Variants in PCLO observed in about 807,000 individuals in gnomAD.
PCLO encodes the protein protein piccolo.
Under a neutral mutation model 427.5 loss-of-function variants are expected in PCLO, and 82 were observed. That is an observed-to-expected ratio of 0.19 (90% CI 0.16 to 0.23). PCLO has a LOEUF of 0.23. Ranked by LOEUF, PCLO falls within the 10% of genes least tolerant of loss-of-function variation. The probability of loss-of-function intolerance (pLI) is 1.00; values close to 1 mark genes in which losing one functional copy is unlikely to be tolerated. For missense variants in PCLO, 6,239 were observed against 6,115.9 expected (o/e 1.02, Z -0.67); for synonymous variants, 2,357 against 2,155.4 (o/e 1.09, Z -2.59).
At chr7:82,979,859 A>G (rs1311523075) in intron 3 of PCLO, among the ~76,000 whole-genome samples, 1 of 152,194 alleles carries the variant, frequency 6.6e-6, no homozygotes, top group Non-Finnish European at 1.5e-5. Flanking sequence ...AGTAATTCTA[A>G]AACTACAGTA....
At chr7:82,945,149 A>G (rs1026785767) in intron 6 of PCLO, among the ~76,000 whole-genome samples, 3 of 152,130 alleles carry the variant, frequency 2.0e-5, no homozygotes. Flanking sequence ...AAAGTGAAAG[A>G]TTTAAGGAAA....
intron 10 of PCLO, among the ~76,000 whole-genome samples, chr7:82,872,690 T>G (rs1793266165): frequency 6.6e-6 from 1 of 152,126 alleles, no homozygotes; most frequent in East Asian, 1.9e-4. Context: ...ATTATAGCAT[T>G]GTCTAAAGCG....
intron 10 of PCLO, among the ~76,000 whole-genome samples, chr7:82,869,980 A>G (rs1377399009): frequency 6.6e-6 from 1 of 152,064 alleles, no homozygotes; most frequent in African/African-American, 2.4e-5. Flanking sequence ...TCATGGATTG[A>G]AAAAATTAAT....
At chr7:82,976,800 G>T (rs1292253343) in intron 3 of PCLO, among the ~76,000 whole-genome samples, 1 of 152,058 alleles carries the variant, frequency 6.6e-6, no homozygotes, top group Non-Finnish European at 1.5e-5. Flanking sequence ...AGCCTGATTT[G>T]ATCATTCCAC....
Position 82,754,472 on chromosome 7 carries a change from G to C in PCLO, c.*4103C>G, listed in dbSNP as rs1009599346. ...ACATTAATCAGTAGTGGGAGCACCT[G>C]AGCACGTCACCAAACAAATATACAG... On this transcript the variant is annotated 3_prime_UTR_variant, in exon 25 of 25. Coordinates refer to ENST00000333891, the MANE Select transcript of PCLO (RefSeq NM_033026.6). 2 of 152,054 alleles carry C rather than the reference G, an allele frequency of 1.3e-5. No homozygotes were observed. The highest frequency in any genetic ancestry group is 4.8e-5 in the African/African-American group (2 of 41,434). 9.4% of individuals were successfully genotyped at this position (152,054 alleles called of 1,614,324 possible).
intron 2 of PCLO, among the ~76,000 whole-genome samples, chr7:83,146,884 G>A (rs1254350855): frequency 6.6e-6 from 1 of 151,984 alleles, no homozygotes; most frequent in African/African-American, 2.4e-5. Flanking sequence ...TTACAAGCAT[G>A]AGCCACCGCA....
chr7:82,914,281 TTAA>T (rs1794391049), intron 7 of PCLO: 1 of 405,880 alleles, frequency 2.5e-6, no homozygotes, highest in Non-Finnish European at 4.3e-6. Flanking sequence ...GCTCTAAACT[TTAA>T]TAATTTCAGA....
chr7:83,130,376 C>T (rs190843211), intron 3 of PCLO, among the ~76,000 whole-genome samples: 8 of 152,212 alleles, frequency 5.3e-5, no homozygotes, highest in East Asian at 1.9e-4. Flanking sequence ...AGGATTTTGC[C>T]GTGTTGGCCA....
chr7:83,128,023 A>G (rs1791481399), intron 3 of PCLO, among the ~76,000 whole-genome samples: 1 of 152,156 alleles, frequency 6.6e-6, no homozygotes, highest in Non-Finnish European at 1.5e-5. Flanking sequence ...TATCAAAGTT[A>G]AAAGATAAAA....
At chr7:82,879,495 A>C in intron 9 of PCLO, 33 bp from the exon 10 acceptor site, 1 of 1,495,614 alleles carries the variant, frequency 6.7e-7, no homozygotes, top group Non-Finnish European at 9.2e-7. Context: ...TATTAGTACT[A>C]ATTTAAGAAG....
At chr7:82,928,490 C>T (rs1053326348) in intron 6 of PCLO, among the ~76,000 whole-genome samples, 3 of 152,142 alleles carry the variant, frequency 2.0e-5, no homozygotes, top group Admixed American at 2.0e-4. Context: ...AAGTGATTCT[C>T]CTGCCTTAGC....
rs141533647 is a variant in PCLO, at chr7:83,066,387, T to C, written c.3300+67863A>G. On this transcript the variant is annotated intron_variant, in intron 3 of 24. Transcript: ENST00000333891. The stretch of plus-strand genomic sequence containing the variant: ...TTTATGTTCATTTTGTTTCTGCAAC[T>C]CTGTAATAGGACTTGAAATATGTGC... 4.7e-3 allele frequency among the ~76,000 whole-genome samples: 712 copies of C among 152,180 alleles called. 5 individuals are homozygous for C. Among genetic ancestry groups the C allele is most frequent in the African/African-American group, 0.016 (684 of 41,534 alleles).
chr7:82,910,124 G>C (rs1431148837), intron 7 of PCLO, among the ~76,000 whole-genome samples: 2 of 147,758 alleles, frequency 1.4e-5, no homozygotes, highest in East Asian at 4.6e-4. Context: ...AACACTAGAA[G>C]GAACAAGGCT....
In PCLO at chr7:82,801,564, C is replaced by A; in HGVS notation, c.14961G>T (p.Glu4987Asp). The A allele has an allele frequency of 6.3e-7, 1 of 1,596,102 alleles. No homozygotes were observed. Among genetic ancestry groups the A allele is most frequent in the South Asian group, 1.1e-5 (1 of 90,600 alleles). ...CTCCTACCCCTGGCTGTTTTACAGG[C>A]TCTTGTCCATTCTGTCCCATCTTCC... ...RIGKMGQNGQEPVKQPGVGVG... is the reference protein window; with the variant it reads ...RIGKMGQNGQDPVKQPGVGVG... The change falls in exon 22 of 25, where the codon GAG becomes GAT. Residue 4987 changes from glutamate (E) to aspartate (D), a missense_variant. Glu to Asp is a conservative substitution (Grantham distance 45). This residue lies in a region of PCLO where 877 missense variants were observed against 925.5 expected (regional missense o/e 0.95). Coordinates refer to ENST00000333891, the MANE Select transcript of PCLO (RefSeq NM_033026.6).
At chr7:82,879,701 A>T in intron 9 of PCLO, 2 of 435,630 alleles carry the variant, frequency 4.6e-6, no homozygotes, top group Middle Eastern at 3.4e-4. Flanking sequence ...AATTTTTCTA[A>T]TTCAGCCATA....
At chr7:83,152,065 G>T (rs546292087) in intron 2 of PCLO, among the ~76,000 whole-genome samples, 2 of 151,856 alleles carry the variant, frequency 1.3e-5, no homozygotes, top group Admixed American at 6.6e-5. Flanking sequence ...CCCCGGTTCA[G>T]GCCATTCTCC....
rs756931061 is a variant in PCLO, at chr7:82,916,604, A to G, written c.11382T>C (p.Ile3794=). Reference sequence around the variant, plus strand: ...TTTCCAGGTATCGTAGCTTAGCATCAATCTCCTTTTCTTCTTCATCAAGCT... The same window carrying G: ...TTTCCAGGTATCGTAGCTTAGCATCGATCTCCTTTTCTTCTTCATCAAGCT... ...QAELDEEEKE[I]DAKLRYLEMG... is the part of the protein sequence containing the mutation. The change falls in exon 7 of 25, where the codon ATT becomes ATC. Residue 3794 remains isoleucine, a synonymous_variant. Transcript: ENST00000333891. 5.6e-6 allele frequency: 9 copies of G among 1,613,670 alleles called. No homozygotes were observed. In the South Asian group the frequency reaches 9.9e-5, roughly 18 times the overall value.
At chr7:82,887,751 T>G (rs896891424) in intron 9 of PCLO, among the ~76,000 whole-genome samples, 1 of 152,318 alleles carries the variant, frequency 6.6e-6, no homozygotes, top group Non-Finnish European at 1.5e-5. Flanking sequence ...AGATTCAATC[T>G]GAGCTTTACT....
intron 16 of PCLO, among the ~76,000 whole-genome samples, chr7:82,833,065 T>C (rs1372958286): frequency 6.6e-6 from 1 of 152,282 alleles, no homozygotes; most frequent in African/African-American, 2.4e-5. Context: ...GCTAAGTAAA[T>C]ATTCAGTGAT....
Sources: allele counts gnomAD v4.1 joint callset (sites outside exome capture counted in the v4.1 genomes callset), GRCh38; gene constraint gnomAD v4.1.1; regional missense constraint gnomAD v4.1.1; transcripts MANE v1.5; gene names NCBI Gene and HGNC (gene_info 2026-07-23, HGNC 2026-07-21).